Variants in ZNF469 observed in about 807,000 individuals in gnomAD.
The protein encoded by ZNF469 is zinc finger protein 469.
A neutral mutation model predicts 1.0 loss-of-function variants in ZNF469; 1 was observed. The ratio of observed to expected loss-of-function variants is 1.00; its 90% CI spans 0.35 to 4.73. The LOEUF is 4.73. Among genes scored for constraint, ZNF469 ranks in the 30% most tolerant of loss-of-function variants. ZNF469 has a pLI of 0.16. For missense variants in ZNF469, 6,100 were observed against 5,356.3 expected (o/e 1.14, Z -4.33); for synonymous variants, 2,703 against 2,363.4 (o/e 1.14, Z -4.17).
the ZNF469 span, among the ~76,000 whole-genome samples, chr16:88,141,782 G>A: frequency 0.069 from 10,546 of 151,790 alleles, 1,122 homozygotes; most frequent in African/African-American, 0.23. Flanking sequence ...TCGTGGTGAC[G>A]TCAGAGGCAC....
At chr16:88,109,812 G>T in the ZNF469 span, among the ~76,000 whole-genome samples, 1 of 152,112 alleles carries the variant, frequency 6.6e-6, no homozygotes, top group African/African-American at 2.4e-5. Flanking sequence ...CTCTTCTCCG[G>T]GATCAGGAGG....
At chr16:88,177,671 C>T in the ZNF469 span, 2 of 152,132 alleles carry the variant, frequency 1.3e-5, no homozygotes, top group Non-Finnish European at 2.9e-5. This position sits in a 1 kb window ranked among gnomAD's most constrained non-coding sequence, Gnocchi z 4.8. Context: ...AACTCGCTCA[C>T]CAGATTCCTC....
chr16:88,410,163 G>T (rs1049289162), intron 1 of ZNF469, among the ~76,000 whole-genome samples: 9 of 150,268 alleles, frequency 6.0e-5, no homozygotes, highest in Admixed American at 4.7e-4. Context: ...AGTTCACGGT[G>T]CAGGTCACAC....
At chr16:88,420,963 G>A (rs1905438792) in intron 1 of ZNF469, among the ~76,000 whole-genome samples, 1 of 152,138 alleles carries the variant, frequency 6.6e-6, no homozygotes, top group African/African-American at 2.4e-5. Context: ...AAACGGGAGG[G>A]GCAACCCAAT....
chr16:88,188,061 G>A, the ZNF469 span, among the ~76,000 whole-genome samples: 2 of 151,938 alleles, frequency 1.3e-5, no homozygotes, highest in Non-Finnish European at 2.9e-5. Flanking sequence ...TGGAGCTCAG[G>A]GCCTGGCCCT....
chr16:88,435,156 C>T lies in ZNF469; in HGVS notation c.7686C>T (p.Leu2562=). The change falls in exon 3 of 3, where the codon CTC becomes CTT. Residue 2562 remains leucine, a synonymous_variant. Transcript: ENST00000565624. ...PPPAQGSKEV[L]RAPGSPHSQQ... ...CTGCCCAGGGCTCAAAGGAGGTTCTCAGAGCACCGGGGTCCCCACACAGCC... is the reference window on the plus strand; with the variant it reads ...CTGCCCAGGGCTCAAAGGAGGTTCTTAGAGCACCGGGGTCCCCACACAGCC... 6.4e-7 allele frequency: 1 copy of T among 1,550,388 alleles called. No homozygotes were observed. Among genetic ancestry groups the T allele is most frequent in the Non-Finnish European group, 8.7e-7 (1 of 1,146,986 alleles).
chr16:88,137,381 A>G, the ZNF469 span, among the ~76,000 whole-genome samples: 4 of 152,210 alleles, frequency 2.6e-5, no homozygotes, highest in African/African-American at 7.2e-5. Flanking sequence ...GCATACCACC[A>G]TGTGTGCGGT....
Position 88,429,695 on chromosome 16 carries a change from G to T in ZNF469, c.2225G>T (p.Ser742Ile). The T allele has an allele frequency of 6.5e-7, 1 of 1,542,710 alleles. No homozygotes were observed. Among genetic ancestry groups the T allele is most frequent in the Non-Finnish European group, 8.8e-7 (1 of 1,142,112 alleles). Residue 742 changes from serine (S) to isoleucine (I), a missense_variant, in exon 3 of 3, where the codon AGC becomes ATC. Physicochemically the swap from Ser to Ile is moderately radical, Grantham distance 142. Transcript: ENST00000565624. ...TCRQCDRNYS[S>I]LAAFLAHRQF... is the part of the protein sequence containing the mutation. The stretch of plus-strand genomic sequence containing the variant: ...AGGCAGTGTGACCGCAACTACAGCA[G>T]CCTGGCGGCCTTCCTGGCCCACCGG...
At chr16:88,132,052 G>A in the ZNF469 span, among the ~76,000 whole-genome samples, 5,043 of 151,978 alleles carry the variant, frequency 0.033, no homozygotes, top group African/African-American at 0.11. Context: ...CCTCTCCATC[G>A]GCTTTGAATC....
rs139541410 is a variant in ZNF469 at position 88,399,803 on chromosome 16, G to A, written c.-192+16549G>A. 4.3e-3 allele frequency among the ~76,000 whole-genome samples: 655 copies of A among 152,320 alleles called. 1 individual carries two copies. The highest frequency in any genetic ancestry group is 7.0e-3 in the Non-Finnish European group (475 of 68,024). Reference sequence around the variant, plus strand: ...TCCTTCTCACCCAACGCCCAATCTCGCAGGAGTGCACAGGAGGCGTGGAGC... The same window carrying A: ...TCCTTCTCACCCAACGCCCAATCTCACAGGAGTGCACAGGAGGCGTGGAGC... On this transcript the variant is annotated intron_variant, in intron 1 of 2. Coordinates refer to ENST00000565624, the MANE Select transcript of ZNF469 (RefSeq NM_001367624.2).
intron 1 of ZNF469, among the ~76,000 whole-genome samples, chr16:88,388,655 C>T (rs975275967): frequency 1.2e-4 from 18 of 152,242 alleles, no homozygotes; most frequent in African/African-American, 3.1e-4. Context: ...CCAGGATACC[C>T]GGGTCTCCAT....
At chr16:88,169,762 G>A in the ZNF469 span, among the ~76,000 whole-genome samples, 12 of 152,306 alleles carry the variant, frequency 7.9e-5, no homozygotes, top group South Asian at 4.1e-4. This position sits in a 1 kb window ranked among gnomAD's most constrained non-coding sequence, Gnocchi z 6.1. Flanking sequence ...GGGCTTTGGC[G>A]TGTGCATGTT....
intron 1 of ZNF469, among the ~76,000 whole-genome samples, chr16:88,396,888 G>A (rs1311070126): frequency 6.7e-6 from 1 of 149,516 alleles, no homozygotes; most frequent in African/African-American, 2.5e-5. Context: ...CTGAAGGGAG[G>A]CCGGGTGGAG....
At chr16:88,134,633 G>A in the ZNF469 span, among the ~76,000 whole-genome samples, 2 of 152,218 alleles carry the variant, frequency 1.3e-5, no homozygotes, top group South Asian at 4.1e-4. Context: ...CTCCTAAAAA[G>A]CGGCATCCAT....
the ZNF469 span, among the ~76,000 whole-genome samples, chr16:88,298,990 C>G: frequency 1.3e-5 from 2 of 152,188 alleles, no homozygotes; most frequent in Non-Finnish European, 2.9e-5. Context: ...GGAACCTAGG[C>G]CAGCCTGAGC....
At chr16:88,133,671 A>C in the ZNF469 span, among the ~76,000 whole-genome samples, 2 of 151,570 alleles carry the variant, frequency 1.3e-5, no homozygotes, top group African/African-American at 4.8e-5. Context: ...ATAAATATAA[A>C]TAAAATCAAA....
At chr16:88,427,007 C>A (rs908655241) in intron 2 of ZNF469, among the ~76,000 whole-genome samples, 1 of 152,160 alleles carries the variant, frequency 6.6e-6, no homozygotes, top group Admixed American at 6.5e-5. Context: ...CTCTCCACAG[C>A]CTGGCCGAGG....
the ZNF469 span, among the ~76,000 whole-genome samples, chr16:88,157,732 G>A: frequency 2.0e-5 from 3 of 152,198 alleles, no homozygotes; most frequent in African/African-American, 4.8e-5. Flanking sequence ...GGCCCCAGAT[G>A]CCTTCCCTCA....
the ZNF469 span, among the ~76,000 whole-genome samples, chr16:88,353,643 G>C: frequency 1.3e-5 from 2 of 152,202 alleles, no homozygotes; most frequent in African/African-American, 4.8e-5. Flanking sequence ...GTGGTGAACG[G>C]TGGCTCCCAA....
Sources: allele counts gnomAD v4.1 joint callset (sites outside exome capture counted in the v4.1 genomes callset), GRCh38; gene constraint gnomAD v4.1.1; non-coding constraint Gnocchi (gnomAD v3.1); transcripts MANE v1.5; gene names NCBI Gene and HGNC (gene_info 2026-07-23, HGNC 2026-07-21).